Variants in SERPINI1 observed in about 807,000 individuals in gnomAD.
SERPINI1 encodes the protein neuroserpin.
A neutral mutation model predicts 41.1 loss-of-function variants in SERPINI1; 19 were observed. The observed-to-expected ratio is 0.46, with a 90% CI of 0.32 to 0.68. The LOEUF (loss-of-function observed/expected upper bound fraction) is 0.68. Among genes scored for constraint, SERPINI1 ranks in the 30% least tolerant of loss-of-function variants. The pLI is 0.03. For synonymous variants in SERPINI1, 138 were observed against 156.6 expected (o/e 0.88, Z 0.89); for missense variants, 460 against 479.2 (o/e 0.96, Z 0.37).
At chr3:167,814,811 C>G (rs1272104760) in intron 6 of SERPINI1, among the ~76,000 whole-genome samples, 1 of 152,138 alleles carries the variant, frequency 6.6e-6, no homozygotes, top group Non-Finnish European at 1.5e-5. Context: ...GGTTTACTGG[C>G]CCTGTTCCCA....
chr3:167,821,396 C>T (rs1712322001), intron 6 of SERPINI1, among the ~76,000 whole-genome samples: 1 of 152,208 alleles, frequency 6.6e-6, no homozygotes, highest in Non-Finnish European at 1.5e-5. Context: ...CAAACGCCAC[C>T]ACATTTCCTG....
At chr3:167,802,476 A>T (rs1044472539) in intron 5 of SERPINI1, among the ~76,000 whole-genome samples, 1 of 151,222 alleles carries the variant, frequency 6.6e-6, no homozygotes, top group African/African-American at 2.4e-5. Context: ...GGACATGAAC[A>T]GACACTTCTC....
chr3:167,759,514 TA>T (rs1053128618), intron 1 of SERPINI1, among the ~76,000 whole-genome samples: 10 of 151,564 alleles, frequency 6.6e-5, no homozygotes, highest in African/African-American at 2.4e-4. Context: ...TTATCCTAAT[TA>T]AAATAACTCA....
intron 1 of SERPINI1, among the ~76,000 whole-genome samples, chr3:167,762,388 G>A (rs551298547): frequency 1.2e-4 from 19 of 152,098 alleles, no homozygotes; most frequent in African/African-American, 4.1e-4. Flanking sequence ...ACTAGAAAAC[G>A]AAGAAAACTC....
At chr3:167,765,800 T>A (rs574782472) in intron 1 of SERPINI1, among the ~76,000 whole-genome samples, 2 of 152,294 alleles carry the variant, frequency 1.3e-5, no homozygotes, top group African/African-American at 4.8e-5. Flanking sequence ...GCTTAGAAAT[T>A]TCCTCTGCCA....
At chr3:167,743,604 C>T (rs901738407) in intron 1 of SERPINI1, among the ~76,000 whole-genome samples, 12 of 152,018 alleles carry the variant, frequency 7.9e-5, no homozygotes, top group African/African-American at 2.7e-4. Context: ...AGATAAGAGT[C>T]ACGTGTAAAT....
rs368910422 is a variant in SERPINI1, at chr3:167,825,351, C to T, written c.*28C>T. 3.6e-6 allele frequency: 5 copies of T among 1,406,050 alleles called. No homozygotes were observed. The African/African-American group carries it at 7.1e-5, about 20-fold the overall frequency. 87.1% of individuals were successfully genotyped at this position (1,406,050 alleles called of 1,614,324 possible). ...TACTTTATTTGAATAACAAGGAAAACAGTAACTAAGCACATTATGTTTGCA... is the reference window on the plus strand; with the variant it reads ...TACTTTATTTGAATAACAAGGAAAATAGTAACTAAGCACATTATGTTTGCA... On this transcript the variant is annotated 3_prime_UTR_variant, in exon 9 of 9. Coordinates refer to ENST00000446050, the MANE Select transcript of SERPINI1 (RefSeq NM_001122752.2).
chr3:167,822,794 A>G (rs1391148287), intron 6 of SERPINI1, 192 bp from the exon 7 acceptor site: 3 of 515,844 alleles, frequency 5.8e-6, no homozygotes, highest in Non-Finnish European at 1.0e-5. Flanking sequence ...AATTAGCAAA[A>G]GAATATAAAA....
chr3:167,815,823 A>G (rs747182110), intron 6 of SERPINI1, among the ~76,000 whole-genome samples: 1 of 152,194 alleles, frequency 6.6e-6, no homozygotes, highest in Non-Finnish European at 1.5e-5. Context: ...ATGATATGGG[A>G]ATCCAAACGT....
At chr3:167,773,119 G>T (rs1577410048) in intron 1 of SERPINI1, among the ~76,000 whole-genome samples, 1 of 151,496 alleles carries the variant, frequency 6.6e-6, no homozygotes, top group African/African-American at 2.4e-5. Context: ...ACTATTCTGA[G>T]AACTTTCAGT....
chr3:167,762,389 A>G (rs1368917986), intron 1 of SERPINI1, among the ~76,000 whole-genome samples: 1 of 152,126 alleles, frequency 6.6e-6, no homozygotes, highest in Non-Finnish European at 1.5e-5. Context: ...CTAGAAAACG[A>G]AGAAAACTCT....
At chr3:167,816,293 G>A (rs767303541) in intron 6 of SERPINI1, among the ~76,000 whole-genome samples, 7 of 152,060 alleles carry the variant, frequency 4.6e-5, no homozygotes, top group Non-Finnish European at 1.0e-4. Context: ...CGATCAGCCT[G>A]CCTCAGCCTC....
intron 6 of SERPINI1, among the ~76,000 whole-genome samples, chr3:167,817,887 CCG>C (rs372251922): frequency 0.023 from 3,466 of 152,184 alleles, 106 homozygotes; most frequent in African/African-American, 0.079. Flanking sequence ...GCGTGAGCCA[CCG>C]CGCCCGGCCA....
At chr3:167,786,230 T>C (rs2108554504) in intron 1 of SERPINI1, among the ~76,000 whole-genome samples, 1 of 152,170 alleles carries the variant, frequency 6.6e-6, no homozygotes, top group Non-Finnish European at 1.5e-5. Context: ...AGGCCGGGTG[T>C]GGTGGCTCAC....
At chr3:167,794,470 G>C in intron 4 of SERPINI1, 150 bp from the exon 5 acceptor site, 1 of 544,168 alleles carries the variant, frequency 1.8e-6, no homozygotes, top group Middle Eastern at 5.0e-4. Context: ...TTGGTTACAT[G>C]AAAAACTTCT....
chr3:167,825,121 GAGGA>G (rs35943442), intron 8 of SERPINI1, 122 bp from the exon 9 acceptor site: 15,294 of 734,388 alleles, frequency 0.021, 444 homozygotes, highest in African/African-American at 0.1. Flanking sequence ...GGAAGGACAG[GAGGA>G]AGGAAGGAAG....
intron 4 of SERPINI1, among the ~76,000 whole-genome samples, chr3:167,793,209 T>C (rs564395799): frequency 6.6e-6 from 1 of 152,298 alleles, no homozygotes; most frequent in Admixed American, 6.5e-5. Context: ...GACATGTGTA[T>C]GTATGGCCAA....
intron 5 of SERPINI1, among the ~76,000 whole-genome samples, chr3:167,802,895 AGACT>A (rs1711503884): frequency 6.6e-6 from 1 of 150,620 alleles, no homozygotes; most frequent in Non-Finnish European, 1.5e-5. Flanking sequence ...CAACAATGAT[AGACT>A]GGATTACGAA....
At chr3:167,777,459 A>G (rs1726997517) in intron 1 of SERPINI1, among the ~76,000 whole-genome samples, 4 of 152,180 alleles carry the variant, frequency 2.6e-5, no homozygotes, top group Admixed American at 2.6e-4. Context: ...ACAGTTTCAC[A>G]AGAGGTTATT....
Sources: allele counts gnomAD v4.1 joint callset (sites outside exome capture counted in the v4.1 genomes callset), GRCh38; gene constraint gnomAD v4.1.1; transcripts MANE v1.5; gene names NCBI Gene and HGNC (gene_info 2026-07-23, HGNC 2026-07-21).